The following TMEM132D variants were observed in gnomAD, a reference collection of about 807,000 sequenced individuals.
TMEM132D encodes the protein mature OL transmembrane protein.
TMEM132D carries 21 observed loss-of-function variants against 62.3 expected under a neutral mutation model. The observed-to-expected ratio is 0.34, with a 90% CI of 0.24 to 0.49. The LOEUF is 0.49. Among genes scored for constraint, TMEM132D ranks in the 20% least tolerant of loss-of-function variants. TMEM132D has a pLI of 0.99. For synonymous variants in TMEM132D, 621 were observed against 575.6 expected (o/e 1.08, Z -1.13); for missense variants, 1,346 against 1,402.8 (o/e 0.96, Z 0.65).
intron 3 of TMEM132D, among the ~76,000 whole-genome samples, chr12:129,493,601 T>C (rs1468725832): frequency 6.6e-6 from 1 of 152,228 alleles, no homozygotes; most frequent in Non-Finnish European, 1.5e-5. Context: ...TATGCATGTA[T>C]TGATTTTTGA....
chr12:129,208,578 C>A (rs527977696), intron 5 of TMEM132D: 2 of 152,374 alleles, frequency 1.3e-5, no homozygotes, highest in African/African-American at 4.8e-5. Flanking sequence ...TGAAGGTTTG[C>A]TTCAGAGCAG....
At chr12:129,194,573 A>G (rs564141392) in intron 5 of TMEM132D, among the ~76,000 whole-genome samples, 44 of 152,318 alleles carry the variant, frequency 2.9e-4, no homozygotes, top group Non-Finnish European at 5.0e-4. Flanking sequence ...GAGTTTACCT[A>G]CGTAACAAAC....
At chr12:129,826,238 G>C (rs915161975) in intron 1 of TMEM132D, among the ~76,000 whole-genome samples, 2 of 152,178 alleles carry the variant, frequency 1.3e-5, no homozygotes, top group African/African-American at 4.8e-5. Flanking sequence ...CCATCGGCTT[G>C]AGTCCCTGAG....
At chr12:129,786,137 C>A (rs1280566734) in intron 1 of TMEM132D, among the ~76,000 whole-genome samples, 2 of 152,186 alleles carry the variant, frequency 1.3e-5, no homozygotes, top group African/African-American at 2.4e-5. Context: ...ATGTCCACCA[C>A]TCCCTCTTCC....
At chr12:129,092,303 C>CTTTTTTTTTTTTTTTTTTTTTTTTTT (rs3045890) in intron 5 of TMEM132D, among the ~76,000 whole-genome samples, 2 of 133,904 alleles carry the variant, frequency 1.5e-5, no homozygotes, top group African/African-American at 2.8e-5. Context: ...TCTCTCTTTC[C>CTTTTTTTTTTTTTTTTTTTTTTTTTT]TTTTTTTTTT....
chr12:129,307,642 T>G (rs1881876294), intron 4 of TMEM132D, among the ~76,000 whole-genome samples: 1 of 152,096 alleles, frequency 6.6e-6, no homozygotes, highest in African/African-American at 2.4e-5. Context: ...TTCTCTTCTT[T>G]CCCTCAACAC....
Position 129,074,483 on chromosome 12 carries a change from T to G in TMEM132D, c.2692A>C (p.Asn898His). 6.2e-7 allele frequency: 1 copy of G among 1,614,130 alleles called. No individual in the cohort carries two copies. Among genetic ancestry groups the G allele is most frequent in the Non-Finnish European group, 8.5e-7 (1 of 1,180,018 alleles). ...FPAQVDLPRS[N>H]GEMDGNDLMQ... ...AGGTCATTCCCATCCATTTCCCCAT[T>G]GCTTCTGGGGAGGTCCACCTGGGCT... is the stretch of plus-strand genomic sequence containing the variant. The change falls in exon 9 of 9, where the codon AAT becomes CAT. Residue 898 changes from asparagine (N) to histidine (H), a missense_variant. Coordinates refer to ENST00000422113, the MANE Select transcript of TMEM132D (RefSeq NM_133448.3).
chr12:129,675,915 G>A (rs1309761410), intron 2 of TMEM132D, among the ~76,000 whole-genome samples: 3 of 152,188 alleles, frequency 2.0e-5, no homozygotes, highest in Non-Finnish European at 4.4e-5. Flanking sequence ...GAAAAACAGT[G>A]ACATTTTCAC....
intron 1 of TMEM132D, among the ~76,000 whole-genome samples, chr12:129,750,031 C>A (rs1297964753): frequency 6.6e-6 from 1 of 152,204 alleles, no homozygotes. Context: ...AGAAAGCATT[C>A]AGTCCGTCTC....
chr12:129,883,539 A>G (rs921801834), intron 1 of TMEM132D, among the ~76,000 whole-genome samples: 4 of 152,232 alleles, frequency 2.6e-5, no homozygotes, highest in Non-Finnish European at 5.9e-5. Context: ...TTAGAAATTC[A>G]CAAGCTAGTT....
At chr12:129,095,683 A>C (rs573539140) in intron 5 of TMEM132D, among the ~76,000 whole-genome samples, 1 of 152,086 alleles carries the variant, frequency 6.6e-6, no homozygotes, top group African/African-American at 2.4e-5. Flanking sequence ...AGATCGGGGC[A>C]TCAGGGCACA....
intron 5 of TMEM132D, among the ~76,000 whole-genome samples, chr12:129,087,927 G>GGGC (rs1176553719): frequency 5.2e-5 from 5 of 96,252 alleles, no homozygotes; most frequent in African/African-American, 1.1e-4. Context: ...TCCCTGACCG[G>GGGC]GTGTCCTCCA....
intron 3 of TMEM132D, among the ~76,000 whole-genome samples, chr12:129,519,836 T>C (rs7979640): frequency 0.14 from 20,886 of 152,118 alleles, 1,695 homozygotes; most frequent in Admixed American, 0.26. Flanking sequence ...CCCCAACTCC[T>C]GACCTCAGGT....
intron 6 of TMEM132D, among the ~76,000 whole-genome samples, chr12:129,082,605 T>G (rs1874489709): frequency 6.6e-6 from 1 of 152,272 alleles, no homozygotes; most frequent in South Asian, 2.1e-4. Context: ...CTTCCCCACA[T>G]GAGCCTTGAG....
At chr12:129,760,856 G>A (rs777515439) in intron 1 of TMEM132D, among the ~76,000 whole-genome samples, 5 of 151,946 alleles carry the variant, frequency 3.3e-5, no homozygotes, top group Non-Finnish European at 2.9e-5. Flanking sequence ...GTTCCCCTCC[G>A]TGTGTCCGTG....
At chr12:129,620,325 G>A (rs185159977) in intron 2 of TMEM132D, among the ~76,000 whole-genome samples, 1 of 152,334 alleles carries the variant, frequency 6.6e-6, no homozygotes, top group Admixed American at 6.5e-5. Flanking sequence ...GCCTGCAGAA[G>A]CAGTGGCTCA....
chr12:129,587,495 G>A (rs773741298), intron 2 of TMEM132D, among the ~76,000 whole-genome samples: 3 of 151,838 alleles, frequency 2.0e-5, no homozygotes, highest in South Asian at 2.1e-4. Flanking sequence ...CCCATGACAC[G>A]AGTTTACCTA....
intron 4 of TMEM132D, among the ~76,000 whole-genome samples, chr12:129,270,626 T>C (rs4759987): frequency 0.31 from 47,241 of 152,094 alleles, 8,138 homozygotes; most frequent in Non-Finnish European, 0.39. Context: ...CATTACATCC[T>C]TACAGTCAAA....
intron 3 of TMEM132D, among the ~76,000 whole-genome samples, chr12:129,474,549 T>C (rs1306373823): frequency 6.6e-6 from 1 of 152,130 alleles, no homozygotes; most frequent in Non-Finnish European, 1.5e-5. Context: ...TGGGACTAAA[T>C]CTGCTGTCCC....
Sources: gnomAD v4.1 joint callset for allele counts (sites outside exome capture counted in the v4.1 genomes callset) on GRCh38, gnomAD v4.1.1 for gene constraint, MANE v1.5 for transcripts, NCBI Gene and HGNC (gene_info 2026-07-23, HGNC 2026-07-21) for gene names.